Variants in PCDHA2 observed in about 807,000 individuals in gnomAD.
PCDHA2 encodes protocadherin alpha 2.
PCDHA2 carries 58 observed loss-of-function variants against 66.0 expected under a neutral mutation model. The ratio of observed to expected loss-of-function variants is 0.88; its 90% CI spans 0.71 to 1.09. PCDHA2 has a LOEUF of 1.09. Among genes scored for constraint, PCDHA2 ranks in the 50% least tolerant of loss-of-function variants. The pLI is 0.00. For missense variants in PCDHA2, 1,267 were observed against 1,242.3 expected, an observed-to-expected ratio of 1.02 and a Z score of -0.30; for synonymous variants, 634 against 554.0, an observed-to-expected ratio of 1.14 and a Z score of -2.03.
At chr5:140,883,410 C>T in intron 1 of PCDHA2, 2 of 1,614,180 alleles carry the variant, frequency 1.2e-6, no homozygotes, top group Non-Finnish European at 1.7e-6. Flanking sequence ...GACTCTGGCT[C>T]AAATGGACAG....
Position 140,870,644 on chromosome 5 carries a change from G to A in PCDHA2, c.2388+73292G>A, listed in dbSNP as rs782672271. ...TACGTGTCGGTGCACGCGGAGAGCG[G>A]CAAGGTGTACGCGCTGCAGCCGTTG... is the stretch of plus-strand genomic sequence containing the variant. On this transcript the variant is annotated intron_variant, in intron 1 of 3. Transcript: ENST00000526136. 8.7e-6 allele frequency: 14 copies of A among 1,612,768 alleles called. No homozygotes were observed. In the South Asian group the frequency reaches 1.4e-4, roughly 16 times the overall value.
In PCDHA2 at chr5:140,820,570, T is replaced by C. The variant is rs143023207; in HGVS notation, c.2388+23218T>C. Among the ~76,000 whole-genome samples, 141 of 152,188 alleles carry C rather than the reference T, an allele frequency of 9.3e-4. 1 individual carries two copies. Among genetic ancestry groups the C allele is most frequent in the African/African-American group, 3.3e-3 (136 of 41,568 alleles). On this transcript the variant is annotated intron_variant, in intron 1 of 3. Coordinates refer to ENST00000526136, the MANE Select transcript of PCDHA2 (RefSeq NM_018905.3). ...ACTTGGTGATATTTTCTTTTGCCCATATTTATTAAGTGAAGTTTACTAAAT... is the reference window on the plus strand; with the variant it reads ...ACTTGGTGATATTTTCTTTTGCCCACATTTATTAAGTGAAGTTTACTAAAT...
In PCDHA2 at chr5:140,987,225, A is replaced by T. The variant is rs182444933; in HGVS notation, c.2536+4662A>T. On this transcript the variant is annotated intron_variant, in intron 3 of 3. Transcript: ENST00000526136. Reference sequence around the variant, plus strand: ...TGAGACTCCATCTCAAAAAAAAAAAAAATAATAAATAAAGAAAGAAAGACA... The same window carrying T: ...TGAGACTCCATCTCAAAAAAAAAAATAATAATAAATAAAGAAAGAAAGACA... 6.5e-3 allele frequency among the ~76,000 whole-genome samples: 935 copies of T among 143,134 alleles called. 9 individuals carry two copies. Among genetic ancestry groups the T allele is most frequent in the African/African-American group, 0.025 (815 of 32,962 alleles). The allele number at this position is 143,134 out of a possible 152,430, so 93.9% of individuals were successfully genotyped here. A position where few individuals can be genotyped will look rare whatever the true frequency, so the allele number is the denominator to read the frequency against.
At chr5:140,823,566 C>CCCT (rs1767771427) in intron 1 of PCDHA2, 1 of 1,613,826 alleles carries the variant, frequency 6.2e-7, no homozygotes, top group South Asian at 1.1e-5. Flanking sequence ...GCGCAGTGGA[C>CCCT]CCTGATTCGG....
At chr5:140,965,442 G>A (rs782186943) in intron 1 of PCDHA2, among the ~76,000 whole-genome samples, 3 of 151,978 alleles carry the variant, frequency 2.0e-5, no homozygotes, top group Non-Finnish European at 4.4e-5. Flanking sequence ...CATTGAAATT[G>A]CTGGTTATTG....
intron 1 of PCDHA2, among the ~76,000 whole-genome samples, chr5:140,941,602 A>G (rs1364169026): frequency 1.3e-5 from 2 of 151,994 alleles, no homozygotes; most frequent in African/African-American, 4.8e-5. Flanking sequence ...GCCATGAGCC[A>G]TGGTGCCCAG....
chr5:140,897,104 C>A (rs1474457154), intron 1 of PCDHA2, among the ~76,000 whole-genome samples: 1 of 152,116 alleles, frequency 6.6e-6, no homozygotes, highest in Non-Finnish European at 1.5e-5. Flanking sequence ...TTAAAAATCT[C>A]CACTTTCTGT....
At chr5:140,968,756 G>T in intron 1 of PCDHA2, 1 of 1,614,202 alleles carries the variant, frequency 6.2e-7, no homozygotes, top group Non-Finnish European at 8.5e-7. Flanking sequence ...GGTGGTCCGA[G>T]ATAATGGAGA....
chr5:140,796,384 A>G lies in PCDHA2; in HGVS notation c.1420A>G (p.Ile474Val). 1.9e-6 allele frequency: 3 copies of G among 1,613,562 alleles called. No homozygotes were observed. The highest frequency in any genetic ancestry group is 2.2e-5 in the East Asian group (1 of 44,840). The change falls in exon 1 of 4, where the codon ATC (isoleucine) becomes GTC (valine). Residue 474 changes from isoleucine to valine, a missense_variant. Ile to Val is a conservative substitution (Grantham distance 29). Transcript: ENST00000526136. ...VKENNPPGCH[I>V]FTVSAWDADA... ...GGAGAACAACCCGCCGGGCTGCCAC[A>G]TCTTCACGGTGTCAGCGTGGGATGC...
At chr5:140,861,372 A>C (rs2046882996) in intron 1 of PCDHA2, 3 of 407,054 alleles carry the variant, frequency 7.4e-6, no homozygotes, top group Non-Finnish European at 1.5e-5. Flanking sequence ...CGCGGTCCCT[A>C]TTGCGCAGGA....
At chr5:140,882,621 A>T (rs374336585) in intron 1 of PCDHA2, 1 of 1,614,094 alleles carries the variant, frequency 6.2e-7, no homozygotes, top group African/African-American at 1.3e-5. Context: ...CAGGTTTTCC[A>T]TGTGGAGGTG....
At chr5:140,968,639 G>T (rs1278507600) in intron 1 of PCDHA2, 1 of 1,614,150 alleles carries the variant, frequency 6.2e-7, no homozygotes, top group Non-Finnish European at 8.5e-7. Context: ...TTACCATCTA[G>T]CCCAGACTTC....
intron 1 of PCDHA2, among the ~76,000 whole-genome samples, chr5:140,933,263 A>G (rs1374246908): frequency 6.6e-6 from 1 of 151,986 alleles, no homozygotes; most frequent in Non-Finnish European, 1.5e-5. Context: ...AAAGGTTATT[A>G]TATATTCATT....
Position 140,843,067 on chromosome 5 carries a change from G to A in PCDHA2, c.2388+45715G>A, listed in dbSNP as rs143344890. 15 of 1,595,152 alleles carry A rather than the reference G, an allele frequency of 9.4e-6. 1 individual carries two copies. The African/African-American group carries it at 2.0e-4, about 21-fold the overall frequency. ...GTGGCGCAGCGAGCAAGCTGGTGCC[G>A]CGGTCTGTGGGCGCGGGCCACGTGG... On this transcript the variant is annotated intron_variant, in intron 1 of 3. Coordinates refer to ENST00000526136, the MANE Select transcript of PCDHA2 (RefSeq NM_018905.3).
At chr5:141,005,861 C>T (rs921854027) in intron 3 of PCDHA2, among the ~76,000 whole-genome samples, 2 of 151,860 alleles carry the variant, frequency 1.3e-5, no homozygotes, top group Admixed American at 6.6e-5. Flanking sequence ...ACAGGAGGGT[C>T]GATTGAGTCC....
intron 1 of PCDHA2, among the ~76,000 whole-genome samples, chr5:140,977,356 T>C (rs1563455891): frequency 6.6e-6 from 1 of 152,250 alleles, no homozygotes; most frequent in African/African-American, 2.4e-5. Flanking sequence ...GACTGATTGA[T>C]AAAAAGTATT....
At chr5:140,967,073 G>A (rs1554229137) in intron 1 of PCDHA2, 1 of 1,613,160 alleles carries the variant, frequency 6.2e-7, no homozygotes, top group South Asian at 1.1e-5. Flanking sequence ...CTTCGTCAAC[G>A]AGCGCATTGA....
intron 1 of PCDHA2, among the ~76,000 whole-genome samples, chr5:140,942,639 G>C (rs923095335): frequency 1.3e-5 from 2 of 151,806 alleles, no homozygotes; most frequent in African/African-American, 2.4e-5. Flanking sequence ...AATGGCAAAA[G>C]AGATCTCATT....
intron 1 of PCDHA2, chr5:140,836,648 G>A (rs2150266786): frequency 1.4e-5 from 22 of 1,613,364 alleles, no homozygotes; most frequent in Non-Finnish European, 1.8e-5. Flanking sequence ...AGCAGAGGCG[G>A]CAGAGGGTGT....
Sources: gnomAD v4.1 joint callset for allele counts (sites outside exome capture counted in the v4.1 genomes callset) on GRCh38, gnomAD v4.1.1 for gene constraint, MANE v1.5 for transcripts, NCBI Gene and HGNC (gene_info 2026-07-23, HGNC 2026-07-21) for gene names.